The following RBM20 variants were observed in gnomAD, a reference collection of about 807,000 sequenced individuals.
RBM20 encodes the protein RNA binding motif protein 20.
In RBM20, 51 loss-of-function variants were observed where a neutral mutation model predicts 110.1. The observed-to-expected ratio is 0.46, with a 90% CI of 0.37 to 0.59. RBM20 has a LOEUF of 0.59. Ranked by LOEUF, RBM20 falls within the 20% of genes least tolerant of loss-of-function variation. The pLI is 0.00. For synonymous variants in RBM20, 589 were observed against 618.2 expected (o/e 0.95, Z 0.70); for missense variants, 1,512 against 1,574.9 (o/e 0.96, Z 0.68).
intron 1 of RBM20, among the ~76,000 whole-genome samples, chr10:110,692,592 A>G (rs921189181): frequency 6.6e-6 from 1 of 152,108 alleles, no homozygotes. Context: ...TTGATATTGT[A>G]TCCTGCATCT....
At chr10:110,811,490 G>T (rs965422291) in intron 8 of RBM20, among the ~76,000 whole-genome samples, 3 of 152,012 alleles carry the variant, frequency 2.0e-5, no homozygotes, top group African/African-American at 7.3e-5. Flanking sequence ...CTGATTATTT[G>T]GGTTTTTTAA....
In RBM20 at chr10:110,775,241, C is replaced by G. The variant is rs552114647; in HGVS notation, c.192-5560C>G. Among the ~76,000 whole-genome samples, 4 of 152,344 alleles carry G rather than the reference C, an allele frequency of 2.6e-5. No homozygotes were observed. In the South Asian group the frequency reaches 8.3e-4, roughly 32 times the overall value. On this transcript the variant is annotated intron_variant, in intron 1 of 13. Coordinates refer to ENST00000369519, the MANE Select transcript of RBM20 (RefSeq NM_001134363.3). The stretch of plus-strand genomic sequence containing the variant: ...GTCATCAGCCCTCTCACCTCGATTA[C>G]TTTCTATATTTTAGCACAAAAGAAG...
At chr10:110,711,893 T>A (rs1862935577) in intron 1 of RBM20, among the ~76,000 whole-genome samples, 1 of 152,226 alleles carries the variant, frequency 6.6e-6, no homozygotes, top group African/African-American at 2.4e-5. Context: ...TTTTTCTCTG[T>A]CCCTCACCTC....
At chr10:110,673,884 T>C (rs1862295822) in intron 1 of RBM20, among the ~76,000 whole-genome samples, 1 of 152,192 alleles carries the variant, frequency 6.6e-6, no homozygotes. Context: ...AAAAATGGAA[T>C]ATCCTTTACT....
At chr10:110,754,225 A>G (rs1843894529) in intron 1 of RBM20, among the ~76,000 whole-genome samples, 2 of 152,166 alleles carry the variant, frequency 1.3e-5, no homozygotes, top group African/African-American at 2.4e-5. Flanking sequence ...TAGTCTAAGT[A>G]TGATCCCTTT....
chr10:110,832,346 T>C (rs1796677669), intron 13 of RBM20, among the ~76,000 whole-genome samples: 1 of 152,218 alleles, frequency 6.6e-6, no homozygotes, highest in South Asian at 2.1e-4. Context: ...ATTACTATTA[T>C]CATTAAATTG....
intron 1 of RBM20, among the ~76,000 whole-genome samples, chr10:110,707,430 TA>T (rs949243053): frequency 2.5e-4 from 38 of 152,316 alleles, no homozygotes; most frequent in African/African-American, 3.6e-4. Flanking sequence ...AAATACACTT[TA>T]AAAAAATGTT....
At chr10:110,760,915 A>G (rs1487407407) in intron 1 of RBM20, among the ~76,000 whole-genome samples, 1 of 150,504 alleles carries the variant, frequency 6.6e-6, no homozygotes, top group Non-Finnish European at 1.5e-5. Context: ...AATATGGTGA[A>G]ACCTCATCTC....
At chr10:110,687,992 GTT>G (rs1232817258) in intron 1 of RBM20, among the ~76,000 whole-genome samples, 108 of 115,842 alleles carry the variant, frequency 9.3e-4, no homozygotes, top group African/African-American at 3.4e-3. Context: ...CTCCTAAATG[GTT>G]TTGTGTGTGT....
intron 1 of RBM20, among the ~76,000 whole-genome samples, chr10:110,682,458 G>A (rs1862437102): frequency 6.6e-6 from 1 of 152,080 alleles, no homozygotes; most frequent in Non-Finnish European, 1.5e-5. Context: ...TACTGTTGTG[G>A]CACAGATCAG....
At position 110,812,419 on chromosome 10, in the gene RBM20, C is replaced by T. The variant is rs1171457488; in HGVS notation, c.2022C>T (p.Asp674=). 3.9e-6 allele frequency: 6 copies of T among 1,551,724 alleles called. No homozygotes were observed. The East Asian group carries it at 7.3e-5, about 19-fold the overall frequency. Residue 674 remains aspartate, a synonymous_variant, in exon 9 of 14, where the codon GAC becomes GAT. Transcript: ENST00000369519. ...PSRADWGNGR[D]SWEHSPYARR... ...GGGCTGACTGGGGCAATGGCCGGGA[C>T]TCCTGGGAGCACTCTCCCTATGCCA...
intron 11 of RBM20, 83 bp downstream of exon 11, chr10:110,822,018 G>A: frequency 6.7e-6 from 9 of 1,337,404 alleles, no homozygotes; most frequent in East Asian, 5.0e-5. Flanking sequence ...GTGCAGGCTG[G>A]AATGAACATA....
chr10:110,672,932 T>G (rs1862283387), intron 1 of RBM20, among the ~76,000 whole-genome samples: 1 of 152,244 alleles, frequency 6.6e-6, no homozygotes, highest in Non-Finnish European at 1.5e-5. Context: ...AATTGTACTA[T>G]GAAGCTCAAC....
intron 1 of RBM20, among the ~76,000 whole-genome samples, chr10:110,720,190 A>G (rs1455546859): frequency 1.3e-5 from 2 of 152,176 alleles, no homozygotes; most frequent in Non-Finnish European, 2.9e-5. Context: ...GAGAACTCCA[A>G]TGTTCAGTCC....
In RBM20 at chr10:110,780,878, A is replaced by T; in HGVS notation, c.269A>T (p.Gln90Leu). 6.4e-7 allele frequency: 1 copy of T among 1,550,732 alleles called. No homozygotes were observed. The highest frequency in any genetic ancestry group is 8.7e-7 in the Non-Finnish European group (1 of 1,146,092). The change falls in exon 2 of 14, where the codon CAG (glutamine) becomes CTG (leucine). Residue 90 changes from glutamine to leucine, a missense_variant. Around this residue, in one of 3 missense-constraint regions of RBM20, gnomAD observed 1,149 missense variants for 1,169.4 expected, o/e 0.98. Transcript: ENST00000369519. The part of the protein sequence containing the change: ...NPLLPSPASL[Q>L]LAQLQAQLTL... ...CTGCTTCCTTCACCTGCCAGTCTCC[A>T]GCTGGCTCAACTGCAGGCCCAGCTC...
intron 1 of RBM20, among the ~76,000 whole-genome samples, chr10:110,778,661 A>G (rs1844298087): frequency 6.6e-6 from 1 of 152,216 alleles, no homozygotes; most frequent in Non-Finnish European, 1.5e-5. Flanking sequence ...CTTCCCATTC[A>G]AATGTCCCAG....
At chr10:110,658,055 A>G (rs987568979) in intron 1 of RBM20, among the ~76,000 whole-genome samples, 3 of 152,286 alleles carry the variant, frequency 2.0e-5, no homozygotes, top group Non-Finnish European at 4.4e-5. Flanking sequence ...TCTTCCTTCA[A>G]TAGTTTTTCA....
At position 110,823,341 on chromosome 10, in the gene RBM20, G is replaced by C. The variant is rs1844938556; in HGVS notation, c.3317-139G>C. 3 of 1,124,036 alleles carry C rather than the reference G, an allele frequency of 2.7e-6. No individual in the cohort carries two copies. The African/African-American group carries it at 4.7e-5, about 17-fold the overall frequency. 69.6% of individuals were successfully genotyped at this position (1,124,036 alleles called of 1,614,324 possible). ...GTTCTAATTAGCAACCATTGCCCCAGCCTTATGTGATTAAGCAGTCCAAGG... is the reference window on the plus strand; with the variant it reads ...GTTCTAATTAGCAACCATTGCCCCACCCTTATGTGATTAAGCAGTCCAAGG... On this transcript the variant is annotated intron_variant, in intron 11 of 13. Transcript: ENST00000369519.
At chr10:110,696,320 G>C (rs1442870354) in intron 1 of RBM20, among the ~76,000 whole-genome samples, 1 of 152,150 alleles carries the variant, frequency 6.6e-6, no homozygotes, top group African/African-American at 2.4e-5. Context: ...CTAGTCCCCT[G>C]GCTTTTTTTT....
Sources: allele counts gnomAD v4.1 joint callset (sites outside exome capture counted in the v4.1 genomes callset), GRCh38; gene constraint gnomAD v4.1.1; regional missense constraint gnomAD v4.1.1; transcripts MANE v1.5; gene names NCBI Gene and HGNC (gene_info 2026-07-23, HGNC 2026-07-21).